Variants in CLYBL observed in about 807,000 individuals in gnomAD.
CLYBL encodes the protein citramalyl-CoA lyase, mitochondrial.
CLYBL carries 31 observed loss-of-function variants against 38.9 expected under a neutral mutation model. That is an observed-to-expected ratio of 0.80 (90% CI 0.60 to 1.08). The LOEUF (loss-of-function observed/expected upper bound fraction) is 1.08, where lower values mean the gene tolerates loss of function less well. Among genes scored for constraint, CLYBL ranks in the 50% least tolerant of loss-of-function variants. The pLI is 0.00. For missense variants in CLYBL, 434 were observed against 411.6 expected, an observed-to-expected ratio of 1.05 and a Z score of -0.47; for synonymous variants, 171 against 158.6, an observed-to-expected ratio of 1.08 and a Z score of -0.59.
intron 2 of CLYBL, among the ~76,000 whole-genome samples, chr13:99,858,199 A>C (rs1450936639): frequency 6.6e-6 from 1 of 152,200 alleles, no homozygotes; most frequent in Non-Finnish European, 1.5e-5. Flanking sequence ...AAGCCTGTCA[A>C]GTCAAAGAAA....
At chr13:99,762,707 A>G (rs974850068) in intron 1 of CLYBL, among the ~76,000 whole-genome samples, 1 of 152,210 alleles carries the variant, frequency 6.6e-6, no homozygotes, top group African/African-American at 2.4e-5. Context: ...TATGAAGAAT[A>G]TCATTGGTAC....
chr13:99,906,208 A>G (rs1263134600), intron 9 of CLYBL, among the ~76,000 whole-genome samples: 2 of 152,266 alleles, frequency 1.3e-5, no homozygotes, highest in East Asian at 3.8e-4. Flanking sequence ...TGTGATCATC[A>G]AGAAATAAAA....
At chr13:99,750,713 T>G (rs2048940098) in intron 1 of CLYBL, among the ~76,000 whole-genome samples, 1 of 123,828 alleles carries the variant, frequency 8.1e-6, no homozygotes, top group Admixed American at 9.1e-5. Flanking sequence ...ATGTATTATT[T>G]TTAAATAATG....
At position 99,843,159 on chromosome 13, in the gene CLYBL, T is replaced by C. The variant is rs546807620; in HGVS notation, c.250-15702T>C. Among the ~76,000 whole-genome samples the C allele has an allele frequency of 1.3e-3, 205 of 152,310 alleles. 1 individual carries two copies. The highest frequency in any genetic ancestry group is 3.4e-3 in the Middle Eastern group (1 of 294). On this transcript the variant is annotated intron_variant, in intron 2 of 8. Transcript: ENST00000339105. ...GGAGGCTGTGAGAGTTGGAGCCTCATGGTCATTCCTTTGGAGCCTCAGTGA... is the reference window on the plus strand; with the variant it reads ...GGAGGCTGTGAGAGTTGGAGCCTCACGGTCATTCCTTTGGAGCCTCAGTGA...
chr13:99,745,670 CAATCTT>C (rs1232858295), intron 1 of CLYBL, among the ~76,000 whole-genome samples: 2 of 152,116 alleles, frequency 1.3e-5, no homozygotes, highest in African/African-American at 2.4e-5. Context: ...AAGGAAAAAA[CAATCTT>C]AATCTTATCA....
At chr13:99,745,748 T>C (rs2048838956) in intron 1 of CLYBL, among the ~76,000 whole-genome samples, 1 of 152,190 alleles carries the variant, frequency 6.6e-6, no homozygotes, top group South Asian at 2.1e-4. Flanking sequence ...TATTCACAGC[T>C]TTCGTGTGTG....
At chr13:99,780,382 A>T (rs1399130331) in intron 2 of CLYBL, among the ~76,000 whole-genome samples, 1 of 151,940 alleles carries the variant, frequency 6.6e-6, no homozygotes, top group African/African-American at 2.4e-5. Context: ...CATGTTGACA[A>T]TTTCACTCTT....
chr13:99,659,508 C>G (rs2047379154), intron 1 of CLYBL, among the ~76,000 whole-genome samples: 1 of 152,090 alleles, frequency 6.6e-6, no homozygotes, highest in Non-Finnish European at 1.5e-5. Flanking sequence ...ATGCAAAAAG[C>G]CAGGCTTGAA....
chr13:99,770,080 C>CTTTTTTTTTTTTTTTTT (rs3033589), intron 1 of CLYBL, among the ~76,000 whole-genome samples: 8 of 103,170 alleles, frequency 7.8e-5, no homozygotes, highest in Non-Finnish European at 1.4e-4. Context: ...TCTTTTCTTT[C>CTTTTTTTTTTTTTTTTT]TTTTTTTTTT....
chr13:99,790,774 A>G (rs888635825), intron 2 of CLYBL, among the ~76,000 whole-genome samples: 6 of 152,200 alleles, frequency 3.9e-5, no homozygotes, highest in Admixed American at 3.9e-4. Flanking sequence ...CAGTGGCACA[A>G]CTGGAATCCT....
intron 2 of CLYBL, among the ~76,000 whole-genome samples, chr13:99,784,449 C>CTCTTTTTTTTTTTTTTTTTTT (rs71121010): frequency 1.9e-5 from 1 of 52,098 alleles, no homozygotes; most frequent in African/African-American, 5.9e-5. Flanking sequence ...AAAATTCTCT[C>CTCTTTTTTTTTTTTTTTTTTT]TTTTTTTTTT....
chr13:99,730,791 T>C (rs1024224402), intron 1 of CLYBL, among the ~76,000 whole-genome samples: 1 of 151,674 alleles, frequency 6.6e-6, no homozygotes, highest in Non-Finnish European at 1.5e-5. Context: ...CCCTAAAGAG[T>C]AGGGGCTTGG....
At chr13:99,736,828 G>A (rs1266683161) in intron 1 of CLYBL, among the ~76,000 whole-genome samples, 1 of 152,122 alleles carries the variant, frequency 6.6e-6, no homozygotes, top group African/African-American at 2.4e-5. Flanking sequence ...TTTTTTGTCT[G>A]TTGCCTTCGC....
At chr13:99,840,161 C>T (rs1307566931) in intron 2 of CLYBL, among the ~76,000 whole-genome samples, 4 of 151,788 alleles carry the variant, frequency 2.6e-5, no homozygotes, top group East Asian at 3.9e-4. Flanking sequence ...AACAACCCTG[C>T]GATGGTCAGA....
At chr13:99,903,743 T>C (rs909612943) in intron 8 of CLYBL, among the ~76,000 whole-genome samples, 15 of 152,254 alleles carry the variant, frequency 9.9e-5, no homozygotes, top group East Asian at 5.8e-4. Context: ...TGGACTTCCA[T>C]GAAATCTGAA....
chr13:99,877,571 CTTTTTT>C (rs561372911), intron 7 of CLYBL: 1,593 of 214,212 alleles, frequency 7.4e-3, no homozygotes, highest in South Asian at 0.012. Context: ...TTTTGTAATT[CTTTTTT>C]TTTTTTTTTT....
chr13:99,654,760 C>T (rs1038924425), intron 1 of CLYBL, among the ~76,000 whole-genome samples: 2 of 152,192 alleles, frequency 1.3e-5, no homozygotes, highest in African/African-American at 4.8e-5. Flanking sequence ...AATCCCAACA[C>T]TCTGGGAGGC....
chr13:99,766,602 C>T (rs986050157), intron 1 of CLYBL, among the ~76,000 whole-genome samples: 6 of 152,102 alleles, frequency 3.9e-5, no homozygotes, highest in African/African-American at 1.4e-4. Context: ...TATGTCTTTG[C>T]ATTGAAGGAT....
intron 1 of CLYBL, among the ~76,000 whole-genome samples, chr13:99,721,288 C>T (rs1246424505): frequency 6.6e-6 from 1 of 151,916 alleles, no homozygotes; most frequent in Non-Finnish European, 1.5e-5. Context: ...AAGTGATCCA[C>T]CCGCCTCAGC....
Sources: allele counts gnomAD v4.1 joint callset (sites outside exome capture counted in the v4.1 genomes callset), GRCh38; gene constraint gnomAD v4.1.1; transcripts MANE v1.5; gene names NCBI Gene and HGNC (gene_info 2026-07-23, HGNC 2026-07-21).